NAALADL2: variants seen among roughly 807,000 people sequenced by gnomAD.
NAALADL2 encodes N-acetylated alpha-linked acidic dipeptidase like 2, also known as inactive N-acetylated-alpha-linked acidic dipeptidase-like protein 2.
NAALADL2 carries 76 observed loss-of-function variants against 87.2 expected under a neutral mutation model. That is an observed-to-expected ratio of 0.87 (90% CI 0.72 to 1.05). NAALADL2 has a LOEUF of 1.05. Ranked by LOEUF, NAALADL2 falls within the 50% of genes least tolerant of loss-of-function variation. The pLI is 0.00. For synonymous variants in NAALADL2, 354 were observed against 331.0 expected, an observed-to-expected ratio of 1.07 and a Z score of -0.75; for missense variants, 1,089 against 945.8, an observed-to-expected ratio of 1.15 and a Z score of -1.99.
chr3:174,677,105 C>T (rs759139161), intron 2 of NAALADL2, among the ~76,000 whole-genome samples: 3 of 151,952 alleles, frequency 2.0e-5, no homozygotes, highest in Non-Finnish European at 4.4e-5. Context: ...TTACTAACCT[C>T]TATCATATCT....
intron 1 of NAALADL2, among the ~76,000 whole-genome samples, chr3:174,497,542 A>G (rs1718623712): frequency 6.6e-6 from 1 of 152,144 alleles, no homozygotes; most frequent in African/African-American, 2.4e-5. Flanking sequence ...CATTAGGTAT[A>G]CTTCCTCCAT....
At chr3:175,490,228 G>T (rs1727860825) in intron 9 of NAALADL2, among the ~76,000 whole-genome samples, 1 of 151,774 alleles carries the variant, frequency 6.6e-6, no homozygotes, top group African/African-American at 2.4e-5. Context: ...AGGTCAGAGA[G>T]ACAGAGAGGT....
intron 3 of NAALADL2, among the ~76,000 whole-genome samples, chr3:174,811,076 C>G (rs998987255): frequency 6.6e-6 from 1 of 152,196 alleles, no homozygotes; most frequent in Non-Finnish European, 1.5e-5. Context: ...GAGCCTCCAC[C>G]TAGATTGCAG....
rs1729819359 is a variant in NAALADL2 at position 174,884,509 on chromosome 3, G to A, written c.43+25059G>A. ...CTGTAAAGTGGGTGCCTTGGTCAAAGGCAATGCTGTGTGGAATACCATGAT... is the reference window on the plus strand; with the variant it reads ...CTGTAAAGTGGGTGCCTTGGTCAAAAGCAATGCTGTGTGGAATACCATGAT... On this transcript the variant is annotated intron_variant, in intron 1 of 13. Coordinates refer to ENST00000454872, the MANE Select transcript of NAALADL2 (RefSeq NM_207015.3). 2.0e-5 allele frequency among the ~76,000 whole-genome samples: 3 copies of A among 152,278 alleles called. No individual in the cohort carries two copies. In the South Asian group the frequency reaches 6.2e-4, roughly 32 times the overall value.
intron 1 of NAALADL2, among the ~76,000 whole-genome samples, chr3:174,918,822 T>C (rs1037945304): frequency 6.6e-5 from 10 of 152,150 alleles, no homozygotes; most frequent in African/African-American, 2.2e-4. Context: ...TGAGTTGCAT[T>C]GCAAAGTGTT....
intron 5 of NAALADL2, among the ~76,000 whole-genome samples, chr3:175,395,476 T>C (rs894075720): frequency 3.3e-5 from 5 of 152,108 alleles, no homozygotes; most frequent in African/African-American, 1.2e-4. Flanking sequence ...TCAGTAGCTA[T>C]CCATTAACAA....
chr3:175,401,158 G>A (rs1212020181), intron 5 of NAALADL2, among the ~76,000 whole-genome samples: 1 of 152,032 alleles, frequency 6.6e-6, no homozygotes, highest in East Asian at 1.9e-4. Context: ...GGCCAGGTGG[G>A]GTTGAAGATA....
At chr3:174,572,433 T>A (rs1715038899) in intron 2 of NAALADL2, among the ~76,000 whole-genome samples, 1 of 152,184 alleles carries the variant, frequency 6.6e-6, no homozygotes, top group African/African-American at 2.4e-5. Flanking sequence ...ATAGTAAGCA[T>A]CACTGTTAAT....
intron 4 of NAALADL2, among the ~76,000 whole-genome samples, chr3:175,276,820 C>G (rs1753671206): frequency 6.6e-6 from 1 of 151,952 alleles, no homozygotes; most frequent in Non-Finnish European, 1.5e-5. Context: ...ATTTTTCAAT[C>G]TTAATAGTGC....
intron 11 of NAALADL2, among the ~76,000 whole-genome samples, chr3:175,677,842 G>A (rs1582868187): frequency 6.6e-6 from 1 of 152,164 alleles, no homozygotes; most frequent in Admixed American, 6.5e-5. Context: ...AATAGTTCAA[G>A]CAAACATTAT....
chr3:175,542,290 G>T (rs1483631523), intron 9 of NAALADL2, among the ~76,000 whole-genome samples: 1 of 152,134 alleles, frequency 6.6e-6, no homozygotes, highest in South Asian at 2.1e-4. Flanking sequence ...TGTGGAAAAT[G>T]AGCACATAAT....
At chr3:175,796,355 A>T (rs1013682378) in intron 13 of NAALADL2, among the ~76,000 whole-genome samples, 2 of 152,136 alleles carry the variant, frequency 1.3e-5, no homozygotes, top group African/African-American at 4.8e-5. Flanking sequence ...AGAGGAAAAT[A>T]ATTGCAGCCA....
At chr3:174,631,886 G>A (rs1722145899) in intron 2 of NAALADL2, 1 of 152,132 alleles carries the variant, frequency 6.6e-6, no homozygotes, top group Admixed American at 6.6e-5. Flanking sequence ...TGATGCAGAT[G>A]GTCTGAGCTG....
Position 175,562,692 on chromosome 3 carries a change from G to C in NAALADL2, c.1654-13349G>C, listed in dbSNP as rs1189813125. 2.6e-5 allele frequency among the ~76,000 whole-genome samples: 4 copies of C among 152,046 alleles called. No homozygotes were observed. In the East Asian group the frequency reaches 7.7e-4, roughly 29 times the overall value. The stretch of plus-strand genomic sequence containing the variant: ...TAATTTAGGAAATTAAAAAATGCAT[G>C]ATAGAAAATTTCTTGATACTAAATG... On this transcript the variant is annotated intron_variant, in intron 9 of 13. Transcript: ENST00000454872.
chr3:175,756,395 TCA>T, intron 13 of NAALADL2, among the ~76,000 whole-genome samples: 1 of 152,242 alleles, frequency 6.6e-6, no homozygotes, highest in East Asian at 1.9e-4. Flanking sequence ...ACAGGACTAG[TCA>T]CAATGGTGAA....
chr3:174,693,608 A>C (rs1728776985), intron 2 of NAALADL2, among the ~76,000 whole-genome samples: 1 of 152,186 alleles, frequency 6.6e-6, no homozygotes, highest in Non-Finnish European at 1.5e-5. Flanking sequence ...TAAGCACGAT[A>C]AAAACAGTTA....
intron 1 of NAALADL2, among the ~76,000 whole-genome samples, chr3:174,895,811 C>T (rs1015927524): frequency 1.3e-5 from 2 of 152,044 alleles, no homozygotes; most frequent in African/African-American, 2.4e-5. Flanking sequence ...AAAATACAAC[C>T]TGAATTCAGC....
At chr3:174,803,744 T>A (rs970230100) in intron 3 of NAALADL2, among the ~76,000 whole-genome samples, 11 of 152,204 alleles carry the variant, frequency 7.2e-5, no homozygotes, top group Admixed American at 5.9e-4. Context: ...TCCCATTGCT[T>A]GTTTTTGTCA....
chr3:174,782,092 C>G (rs956539417), intron 3 of NAALADL2, among the ~76,000 whole-genome samples: 4 of 152,010 alleles, frequency 2.6e-5, no homozygotes, highest in African/African-American at 9.7e-5. Flanking sequence ...TTGTTTTTGA[C>G]TGTGGCTGCT....
Sources: allele counts gnomAD v4.1 joint callset (sites outside exome capture counted in the v4.1 genomes callset), GRCh38; gene constraint gnomAD v4.1.1; transcripts MANE v1.5; gene names NCBI Gene and HGNC (gene_info 2026-07-23, HGNC 2026-07-21).